The following ENPP1 variants were observed in gnomAD, a reference collection of about 807,000 sequenced individuals.
The protein encoded by ENPP1 is ectonucleotide pyrophosphatase/phosphodiesterase family member 1.
A neutral mutation model predicts 122.8 loss-of-function variants in ENPP1; 73 were observed. The observed-to-expected ratio is 0.59, with a 90% CI of 0.49 to 0.72. The LOEUF (loss-of-function observed/expected upper bound fraction) is 0.72. ENPP1 is among the 30% of genes least tolerant of loss of function. ENPP1 has a pLI of 0.00. For synonymous variants in ENPP1, 367 were observed against 391.6 expected, an observed-to-expected ratio of 0.94 and a Z score of 0.74; for missense variants, 978 against 1,128.1, an observed-to-expected ratio of 0.87 and a Z score of 1.91.
intron 1 of ENPP1, 151 bp downstream of exon 1, chr6:131,808,426 G>A: frequency 9.4e-7 from 1 of 1,065,198 alleles, no homozygotes. Flanking sequence ...CTCCTCCGCA[G>A]CCTTTGCAAG....
chr6:131,862,024 C>T (rs1782030277), intron 9 of ENPP1, among the ~76,000 whole-genome samples: 1 of 151,930 alleles, frequency 6.6e-6, no homozygotes, highest in African/African-American at 2.4e-5. Flanking sequence ...CAAAAATTAG[C>T]CAGGCGTGAT....
At chr6:131,887,803 G>T (rs1782404427) in intron 24 of ENPP1, among the ~76,000 whole-genome samples, 1 of 144,086 alleles carries the variant, frequency 6.9e-6, no homozygotes, top group South Asian at 2.2e-4. Flanking sequence ...CTGACCTTGT[G>T]ATCCACCCGC....
intron 1 of ENPP1, among the ~76,000 whole-genome samples, chr6:131,825,094 CA>C (rs1242232126): frequency 4.0e-5 from 6 of 151,866 alleles, no homozygotes; most frequent in Non-Finnish European, 7.4e-5. Context: ...CAATTGAAAG[CA>C]ATTGGAAATC....
chr6:131,827,669 G>A (rs1373051162), intron 1 of ENPP1: 4 of 641,940 alleles, frequency 6.2e-6, no homozygotes, highest in East Asian at 5.9e-5. Context: ...ATGTCCTTCT[G>A]CTCTACGTGC....
chr6:131,814,914 T>A (rs1233350159), intron 1 of ENPP1, among the ~76,000 whole-genome samples: 1 of 152,172 alleles, frequency 6.6e-6, no homozygotes, highest in Non-Finnish European at 1.5e-5. Flanking sequence ...AGCTTTTAAT[T>A]GCTTGAATGA....
Position 131,886,712 on chromosome 6 carries a change from C to T in ENPP1, c.2595C>T (p.Ser865=), listed in dbSNP as rs377375853. ...AFILPHRTDN[S]ESCVHGKHDS... is the part of the protein sequence containing the mutation. ...TTTTGCCTCACAGGACTGATAACAG[C>T]GAGAGCTGTGTGGTAAGTAGCTTTT... Residue 865 remains serine (S), a synonymous_variant, in exon 24 of 25, where the codon AGC becomes AGT. Transcript: ENST00000647893. The T allele has an allele frequency of 2.0e-5, 32 of 1,613,168 alleles. No individual in the cohort carries two copies. Among genetic ancestry groups the T allele is most frequent in the Admixed American group, 5.0e-5 (3 of 59,886 alleles).
chr6:131,868,437 T>G (rs1247060991), intron 12 of ENPP1, among the ~76,000 whole-genome samples: 1 of 152,138 alleles, frequency 6.6e-6, no homozygotes, highest in Non-Finnish European at 1.5e-5. Flanking sequence ...TAGCTTCAAT[T>G]TCCTTTTTTT....
chr6:131,886,651 C>T lies in ENPP1; in HGVS notation c.2534C>T (p.Pro845Leu). The change falls in exon 24 of 25, where the codon CCT becomes CTT. Residue 845 changes from proline (P) to leucine (L), a missense_variant. Around this residue, in one of 3 missense-constraint regions of ENPP1, gnomAD observed 644 missense variants for 781.5 expected, o/e 0.82. Transcript: ENST00000647893. Reference protein sequence around the residue: ...LTSCKDTSQTPLHCENLDTLA... With the variant: ...LTSCKDTSQTLLHCENLDTLA... ...AGCTGTAAAGATACATCTCAGACGC[C>T]TTTGCACTGTGAAAACCTAGACACC... 1 of 1,614,048 alleles carries T rather than the reference C, an allele frequency of 6.2e-7. No individual in the cohort carries two copies. Among genetic ancestry groups the T allele is most frequent in the African/African-American group, 1.3e-5 (1 of 75,054 alleles).
rs138388100 is a variant in ENPP1 at position 131,817,200 on chromosome 6, CGGACTAAT to C, written c.240+8926_240+8933del. 9.4e-3 allele frequency among the ~76,000 whole-genome samples: 1,429 copies of C among 152,270 alleles called. 22 individuals are homozygous for C. The highest frequency in any genetic ancestry group is 0.031 in the African/African-American group (1,305 of 41,548). ...GACTTTTATCTACAGATTTTTATCA[CGGACTAAT>C]AGCTAATGCCATCCCATTCATTTGC... On this transcript the variant is annotated intron_variant, in intron 1 of 24. Transcript: ENST00000647893.
At chr6:131,844,453 A>G (rs966480134) in intron 1 of ENPP1, among the ~76,000 whole-genome samples, 6 of 152,206 alleles carry the variant, frequency 3.9e-5, no homozygotes, top group Non-Finnish European at 8.8e-5. Flanking sequence ...ATTAGCCCAT[A>G]GGCATCTTTT....
chr6:131,864,678 A>C (rs908845334), intron 10 of ENPP1, 107 bp downstream of exon 10: 5 of 857,050 alleles, frequency 5.8e-6, no homozygotes, highest in Admixed American at 4.3e-5. Context: ...GATGTTTTAT[A>C]TCGAAATAAA....
chr6:131,873,112 T>C lies in ENPP1; in HGVS notation c.1565+62T>C, dbSNP rs148248232. ...ATCGGTTAGTGATTCAGGGTAACCA[T>C]TGGGCCCTTTCTAACAATATTGTTA... On this transcript the variant is annotated intron_variant, in intron 15 of 24. Coordinates refer to ENST00000647893, the MANE Select transcript of ENPP1 (RefSeq NM_006208.3). The C allele has an allele frequency of 1.0e-3, 1,549 of 1,554,052 alleles. 10 individuals are homozygous for C. In the African/African-American group the frequency reaches 0.018, roughly 18 times the overall value.
intron 1 of ENPP1, among the ~76,000 whole-genome samples, chr6:131,830,897 G>C (rs1781602339): frequency 6.6e-6 from 1 of 151,920 alleles, no homozygotes; most frequent in Non-Finnish European, 1.5e-5. Context: ...GATTGCTTGA[G>C]CTCAGGAGTT....
rs116624316 is a variant in ENPP1 at position 131,818,921 on chromosome 6, G to A, written c.240+10646G>A. 9.4e-3 allele frequency among the ~76,000 whole-genome samples: 1,436 copies of A among 152,278 alleles called. 25 individuals carry two copies. Among genetic ancestry groups the A allele is most frequent in the African/African-American group, 0.032 (1,312 of 41,546 alleles). ...TTGACATATTTTCTCAAAAATGAGT[G>A]ATGTTAGCTTGTCCCTTCAAGGAAA... On this transcript the variant is annotated intron_variant, in intron 1 of 24. Coordinates refer to ENST00000647893, the MANE Select transcript of ENPP1 (RefSeq NM_006208.3).
chr6:131,851,538 C>T (rs1781881185), intron 4 of ENPP1: 1 of 426,284 alleles, frequency 2.3e-6, no homozygotes, highest in South Asian at 2.3e-5. Context: ...CACTCATTCC[C>T]CTGCCACCAC....
intron 1 of ENPP1, among the ~76,000 whole-genome samples, chr6:131,813,435 C>T (rs148451569): frequency 0.028 from 4,276 of 151,750 alleles, 99 homozygotes; most frequent in Middle Eastern, 0.083. Context: ...GAGGCTGAGG[C>T]AGGAGAATCG....
In ENPP1 at chr6:131,882,207, AG is replaced by A. The variant is rs545091956; in HGVS notation, c.2101-137del. On this transcript the variant is annotated intron_variant, in intron 20 of 24. Coordinates refer to ENST00000647893, the MANE Select transcript of ENPP1 (RefSeq NM_006208.3). ...AGTTAGAAAAAAAGATGAATATACTAGTAGGAAAATAGGGAAGGACATGAGC... is the reference window on the plus strand; with the variant it reads ...AGTTAGAAAAAAAGATGAATATACTATAGGAAAATAGGGAAGGACATGAGC... 1.5e-3 allele frequency: 1,011 copies of A among 655,510 alleles called. 16 individuals carry two copies. In the South Asian group the frequency reaches 0.016, roughly 10 times the overall value. The allele number at this position is 655,510 out of a possible 1,614,324, so 40.6% of individuals were successfully genotyped here.
intron 1 of ENPP1, among the ~76,000 whole-genome samples, chr6:131,836,663 A>C (rs993267790): frequency 1.3e-5 from 2 of 152,196 alleles, no homozygotes; most frequent in Admixed American, 6.5e-5. Flanking sequence ...ACATGATGGC[A>C]TACGTCCAGC....
intron 9 of ENPP1, among the ~76,000 whole-genome samples, chr6:131,863,561 A>G (rs1323311023): frequency 6.6e-6 from 1 of 152,144 alleles, no homozygotes; most frequent in Non-Finnish European, 1.5e-5. Flanking sequence ...CCAGGAGCAC[A>G]GTGCAATGCC....
Sources: gnomAD v4.1 joint callset for allele counts (sites outside exome capture counted in the v4.1 genomes callset) on GRCh38, gnomAD v4.1.1 for gene constraint, gnomAD v4.1.1 regional missense constraint, MANE v1.5 for transcripts, NCBI Gene and HGNC (gene_info 2026-07-23, HGNC 2026-07-21) for gene names.